Variants in VANGL2 observed in about 807,000 individuals in gnomAD.
VANGL2 encodes vang-like protein 2.
Under a neutral mutation model 50.2 loss-of-function variants are expected in VANGL2, and 14 were observed. The observed-to-expected ratio is 0.28, with a 90% CI of 0.18 to 0.44. VANGL2 has a LOEUF of 0.44. VANGL2 is among the 20% of genes least tolerant of loss of function. The pLI is 1.00. For missense variants in VANGL2, 533 were observed against 701.5 expected, an observed-to-expected ratio of 0.76 and a Z score of 2.71; for synonymous variants, 295 against 297.2, an observed-to-expected ratio of 0.99 and a Z score of 0.08.
chr1:160,419,562 G>A lies in VANGL2; in HGVS notation c.753G>A (p.Val251=). The change falls in exon 4 of 8, where the codon GTG becomes GTA. Residue 251 remains valine, a synonymous_variant. Coordinates refer to ENST00000368061, the MANE Select transcript of VANGL2 (RefSeq NM_020335.3). This position sits in a 1 kb window ranked among gnomAD's most constrained non-coding sequence, Gnocchi z 5.8. ...AGCCTCAGTTCACGCTCAAGGTCGTGCGCTCCACCGACGGCGCCAGCCGCT... is the reference window on the plus strand; with the variant it reads ...AGCCTCAGTTCACGCTCAAGGTCGTACGCTCCACCGACGGCGCCAGCCGCT... ...QLQPQFTLKV[V]RSTDGASRFY... The A allele has an allele frequency of 6.2e-7, 1 of 1,600,282 alleles. No individual in the cohort carries two copies. The highest frequency in any genetic ancestry group is 8.5e-7 in the Non-Finnish European group (1 of 1,179,840).
chr1:160,418,034 C>G (rs1390453727), intron 3 of VANGL2, among the ~76,000 whole-genome samples: 1 of 151,882 alleles, frequency 6.6e-6, no homozygotes, highest in Non-Finnish European at 1.5e-5. Flanking sequence ...GCATCAGCCT[C>G]CCGAGTAGCT....
chr1:160,414,713 T>C (rs1489465127), intron 1 of VANGL2, among the ~76,000 whole-genome samples: 1 of 151,176 alleles, frequency 6.6e-6, no homozygotes, highest in African/African-American at 2.4e-5. Context: ...TGACTGAAGA[T>C]AGGAAGTAAG....
At chr1:160,402,087 A>T (rs766340422) in intron 1 of VANGL2, among the ~76,000 whole-genome samples, 3 of 151,920 alleles carry the variant, frequency 2.0e-5, no homozygotes, top group Non-Finnish European at 4.4e-5. Flanking sequence ...TCTGAGACCT[A>T]TGGGTGGGAG....
In VANGL2 at chr1:160,400,600, G is replaced by A. The variant is rs961217655; in HGVS notation, c.-460G>A. ...GCTCCCGATCTGATTCCTGATCCTT[G>A]ATTCCTTGATCCTTGGTCCCGCCAT... On this transcript the variant is annotated 5_prime_UTR_variant, in exon 1 of 8. Coordinates refer to ENST00000368061, the MANE Select transcript of VANGL2 (RefSeq NM_020335.3). 6.7e-6 allele frequency: 1 copy of A among 148,392 alleles called. No individual in the cohort carries two copies. The highest frequency in any genetic ancestry group is 7.0e-5 in the Admixed American group (1 of 14,326). The allele number at this position is 148,392 out of a possible 1,614,324, so 9.2% of individuals were successfully genotyped here.
rs1169527147 is a variant in VANGL2 at position 160,427,445 on chromosome 1, T to C, written c.*2067T>C. 6.6e-6 allele frequency: 1 copy of C among 152,358 alleles called. No individual in the cohort carries two copies. The highest frequency in any genetic ancestry group is 2.4e-5 in the African/African-American group (1 of 41,338). The allele number at this position is 152,358 out of a possible 1,614,324, so 9.4% of individuals were successfully genotyped here. A position where few individuals can be genotyped will look rare whatever the true frequency, so the allele number is the denominator to read the frequency against. The stretch of plus-strand genomic sequence containing the variant: ...ACTGTGATTTTTTTTTCATTCCCCT[T>C]TCCTAAAAAAAATTTTTTGCCTCCA... On this transcript the variant is annotated 3_prime_UTR_variant, in exon 8 of 8. Transcript: ENST00000368061.
rs767724959 is a variant in VANGL2, at chr1:160,419,082, C to T, written c.273C>T (p.Ile91=). ...TCTCCCATGATGACCTCACACGCAT[C>T]GCCAAGGACATGGAGGACAGTGTCC... ...HSISHDDLTR[I]AKDMEDSVPL... is the part of the protein sequence containing the mutation. The change falls in exon 4 of 8, where the codon ATC becomes ATT. Residue 91 remains isoleucine, a synonymous_variant. Transcript: ENST00000368061. This position sits in a 1 kb window ranked among gnomAD's most constrained non-coding sequence, Gnocchi z 5.8. 8 of 1,614,052 alleles carry T rather than the reference C, an allele frequency of 5.0e-6. No homozygotes were observed. The highest frequency in any genetic ancestry group is 3.3e-5 in the South Asian group (3 of 91,084).
rs199744905 is a variant in VANGL2 at position 160,410,696 on chromosome 1, A to G, written c.-190-4952A>G. On this transcript the variant is annotated intron_variant, in intron 1 of 7. Transcript: ENST00000368061. The stretch of plus-strand genomic sequence containing the variant: ...CTTATACACACACACACACACACAC[A>G]CACGCACGCACGCACGCACTACTCT... Among the ~76,000 whole-genome samples the G allele has an allele frequency of 3.0e-3, 442 of 149,452 alleles. 1 individual carries two copies. The highest frequency in any genetic ancestry group is 6.8e-3 in the Middle Eastern group (2 of 292).
chr1:160,403,612 C>A (rs765946583), intron 1 of VANGL2, among the ~76,000 whole-genome samples: 1 of 152,090 alleles, frequency 6.6e-6, no homozygotes, highest in Non-Finnish European at 1.5e-5. Context: ...ACTTGACTAA[C>A]AGAAGCTTTG....
rs1002257631 is a variant in VANGL2, at chr1:160,420,630, C to G, written c.937+83C>G. The stretch of plus-strand genomic sequence containing the variant: ...CCCGCCTCTCTTTTACCCTTTGTCC[C>G]TTGCTTTTTCCTTTCCTTAGCCCAT... On this transcript the variant is annotated intron_variant, in intron 5 of 7. Coordinates refer to ENST00000368061, the MANE Select transcript of VANGL2 (RefSeq NM_020335.3). The G allele has an allele frequency of 2.5e-6, 4 of 1,604,088 alleles. No individual in the cohort carries two copies. The African/African-American group carries it at 5.4e-5, about 21-fold the overall frequency.
rs200498251 is a variant in VANGL2, at chr1:160,419,577, C to T, written c.768C>T (p.Gly256=). The T allele has an allele frequency of 3.0e-5, 48 of 1,599,322 alleles. No homozygotes were observed. The highest frequency in any genetic ancestry group is 7.7e-5 in the South Asian group (7 of 91,036). Residue 256 remains glycine, a synonymous_variant, in exon 4 of 8, where the codon GGC becomes GGT. Coordinates refer to ENST00000368061, the MANE Select transcript of VANGL2 (RefSeq NM_020335.3). The surrounding 1 kb of genome is among the most constrained non-coding windows in gnomAD (Gnocchi z 5.8). ...FTLKVVRSTD[G]ASRFYNVGHL... ...TCAAGGTCGTGCGCTCCACCGACGG[C>T]GCCAGCCGCTTCTACAACGTTGGCC...
intron 1 of VANGL2, among the ~76,000 whole-genome samples, chr1:160,403,156 T>C (rs1022381005): frequency 6.6e-6 from 1 of 152,014 alleles, no homozygotes; most frequent in Non-Finnish European, 1.5e-5. Flanking sequence ...CCTTTTTTTT[T>C]TTTTAATGGA....
chr1:160,418,174 G>T (rs2101964038), intron 3 of VANGL2, among the ~76,000 whole-genome samples: 1 of 152,304 alleles, frequency 6.6e-6, no homozygotes, highest in South Asian at 2.1e-4. Flanking sequence ...GCCCACCTCG[G>T]CCTCCCAAAG....
chr1:160,416,538 T>G (rs1571242945), intron 3 of VANGL2, among the ~76,000 whole-genome samples: 1 of 149,832 alleles, frequency 6.7e-6, no homozygotes, highest in African/African-American at 2.5e-5. Context: ...GGGCCTGGGG[T>G]ATGTGTGAGC....
intron 1 of VANGL2, among the ~76,000 whole-genome samples, chr1:160,403,144 G>T (rs1192018134): frequency 8.8e-6 from 1 of 113,736 alleles, no homozygotes; most frequent in Non-Finnish European, 1.9e-5. Flanking sequence ...ACCTTTAAAA[G>T]ACCTTTTTTT....
chr1:160,410,322 T>A (rs933989430), intron 1 of VANGL2, among the ~76,000 whole-genome samples: 1 of 152,170 alleles, frequency 6.6e-6, no homozygotes, highest in Non-Finnish European at 1.5e-5. Context: ...GGTGCCCTTT[T>A]TAGGTACATG....
chr1:160,402,129 T>TG (rs1557902845), intron 1 of VANGL2, among the ~76,000 whole-genome samples: 1 of 152,068 alleles, frequency 6.6e-6, no homozygotes, highest in African/African-American at 2.4e-5. Flanking sequence ...TGCCTGTTTT[T>TG]GGGGGATGGG....
At position 160,424,190 on chromosome 1, in the gene VANGL2, G is replaced by T. The variant is rs766698834; in HGVS notation, c.1212G>T (p.Lys404Asn). The T allele has an allele frequency of 1.9e-6, 3 of 1,614,206 alleles. No individual in the cohort carries two copies. Among genetic ancestry groups the T allele is most frequent in the Non-Finnish European group, 1.7e-6 (2 of 1,180,042 alleles). The change falls in exon 7 of 8, where the codon AAG becomes AAT. Residue 404 changes from lysine (K) to asparagine (N), a missense_variant. By Grantham distance (94) the Lys-to-Asn change is moderately conservative (BLOSUM62 0). Coordinates refer to ENST00000368061, the MANE Select transcript of VANGL2 (RefSeq NM_020335.3). ...CATCCATGGCCCGTGCCATGCAGAA[G>T]TACCTTCGGACCACCAAGCAGCAGC... ...IFASMARAMQKYLRTTKQQPY... is the reference protein window; with the variant it reads ...IFASMARAMQNYLRTTKQQPY...
rs1213981817 is a variant in VANGL2 at position 160,427,268 on chromosome 1, TG to T, written c.*1894del. The T allele has an allele frequency of 6.5e-6, 1 of 152,678 alleles. No homozygotes were observed. 9.5% of individuals were successfully genotyped at this position (152,678 alleles called of 1,614,324 possible). A position where few individuals can be genotyped will look rare whatever the true frequency, so the allele number is the denominator to read the frequency against. On this transcript the variant is annotated 3_prime_UTR_variant, in exon 8 of 8. Coordinates refer to ENST00000368061, the MANE Select transcript of VANGL2 (RefSeq NM_020335.3). ...TGGAAAACAGGGCCTGGATGGTGAC[TG>T]GGGTCATTGCCTTTGTGGACAGGAT... is the stretch of plus-strand genomic sequence containing the variant.
In VANGL2 at chr1:160,420,543, A is replaced by T. The variant is rs1370198679; in HGVS notation, c.933A>T (p.Gly311=). ...KVSGFKVYSL[G]EENSTNNSTG... Reference sequence around the variant, plus strand: ...CTGGCTTCAAGGTGTATTCCCTCGGAGAGGGTGAGCAGCCCTGCTCCTCTG... The same window carrying T: ...CTGGCTTCAAGGTGTATTCCCTCGGTGAGGGTGAGCAGCCCTGCTCCTCTG... The change falls in exon 5 of 8, where the codon GGA becomes GGT. Residue 311 remains glycine (G), a synonymous_variant. Coordinates refer to ENST00000368061, the MANE Select transcript of VANGL2 (RefSeq NM_020335.3). 3 of 1,614,088 alleles carry T rather than the reference A, an allele frequency of 1.9e-6. No homozygotes were observed. In the Admixed American group the frequency reaches 5.0e-5, roughly 27 times the overall value.
Sources: gnomAD v4.1 joint callset for allele counts (sites outside exome capture counted in the v4.1 genomes callset) on GRCh38, gnomAD v4.1.1 for gene constraint, Gnocchi (gnomAD v3.1) non-coding constraint, MANE v1.5 for transcripts, NCBI Gene and HGNC (gene_info 2026-07-23, HGNC 2026-07-21) for gene names.